Variants in GAS6 observed in about 807,000 individuals in gnomAD.
GAS6 encodes the protein growth arrest-specific protein 6.
In GAS6, 41 loss-of-function variants were observed where a neutral mutation model predicts 75.8. The observed-to-expected ratio is 0.54, with a 90% CI of 0.42 to 0.70. GAS6 has a LOEUF of 0.70. Among genes scored for constraint, GAS6 ranks in the 30% least tolerant of loss-of-function variants. The probability of loss-of-function intolerance (pLI) is 0.00; values close to 1 mark genes in which losing one functional copy is unlikely to be tolerated. For synonymous variants in GAS6, 432 were observed against 412.6 expected (o/e 1.05, Z -0.57); for missense variants, 854 against 940.2 (o/e 0.91, Z 1.20).
In GAS6 at chr13:113,837,789, G is replaced by A. The variant is rs183459422; in HGVS notation, c.589+280C>T. ...GCACTTCCAGGCTCTGTGAGGCTCT[G>A]GGGAATGGACGAGGCCCTACAGCCA... On this transcript the variant is annotated intron_variant, in intron 6 of 14. Coordinates refer to ENST00000327773, the MANE Select transcript of GAS6 (RefSeq NM_000820.4). The surrounding 1 kb of genome is among the most constrained non-coding windows in gnomAD (Gnocchi z 5.1). Among the ~76,000 whole-genome samples the A allele has an allele frequency of 2.9e-3, 436 of 152,278 alleles. 1 individual carries two copies. Among genetic ancestry groups the A allele is most frequent in the African/African-American group, 0.01 (424 of 41,564 alleles).
At chr13:113,824,872 G>A (rs1338078938) in intron 12 of GAS6, among the ~76,000 whole-genome samples, 5 of 152,304 alleles carry the variant, frequency 3.3e-5, no homozygotes, top group African/African-American at 1.2e-4. Context: ...AAAGTCTCCT[G>A]TTTGCCGGTC....
intron 5 of GAS6, 163 bp from the exon 6 acceptor site, chr13:113,838,354 C>A: frequency 2.5e-6 from 2 of 792,680 alleles, no homozygotes; most frequent in Non-Finnish European, 4.0e-6. Flanking sequence ...GGTGCACAGC[C>A]CAGCCCTGGA....
chr13:113,823,548 G>A lies in GAS6; in HGVS notation c.1480C>T (p.Arg494Trp), dbSNP rs776678863. The part of the protein sequence containing the change: ...GFAFYSLDYM[R>W]TPLDVGTEST... ...TCAGTCCCGACGTCCAGAGGGGTCC[G>A]CACTGCAATGAAAGCGGTGCATTAT... Residue 494 changes from arginine to tryptophan, a missense_variant and splice_region_variant, in exon 13 of 15, where the codon CGG becomes TGG. Physicochemically the swap from Arg to Trp is moderately radical, Grantham distance 101. Transcript: ENST00000327773. The A allele has an allele frequency of 1.5e-5, 24 of 1,608,940 alleles. No homozygotes were observed. Among genetic ancestry groups the A allele is most frequent in the South Asian group, 1.2e-4 (11 of 90,660 alleles).
chr13:113,863,620 G>A lies in GAS6; in HGVS notation c.210C>T (p.Cys70=), dbSNP rs1234496162. ...ACACCTCCCGCGCCTCCTCGCGGCT[G>A]CACAGCTCCTCCACGCACTCCCTCT... ...HLERECVEEL[C]SREEAREVFE... The change falls in exon 2 of 15, where the codon TGC becomes TGT. Residue 70 remains cysteine, a synonymous_variant. Transcript: ENST00000327773. This position sits in a 1 kb window ranked among gnomAD's most constrained non-coding sequence, Gnocchi z 9.4. 2.0e-6 allele frequency: 3 copies of A among 1,527,836 alleles called. No homozygotes were observed. Among genetic ancestry groups the A allele is most frequent in the South Asian group, 1.2e-5 (1 of 82,532 alleles). The allele number at this position is 1,527,836 out of a possible 1,614,324, so 94.6% of individuals were successfully genotyped here. A position where few individuals can be genotyped will look rare whatever the true frequency, so the allele number is the denominator to read the frequency against.
At chr13:113,849,866 T>C (rs183537932) in intron 2 of GAS6, among the ~76,000 whole-genome samples, 3 of 152,216 alleles carry the variant, frequency 2.0e-5, no homozygotes, top group African/African-American at 4.8e-5. Flanking sequence ...AGAAAGCATA[T>C]GCTAATTCCA....
chr13:113,839,320 AT>A, intron 5 of GAS6: 1 of 184,138 alleles, frequency 5.4e-6, no homozygotes, highest in Non-Finnish European at 1.1e-5. Flanking sequence ...CAGAGGTGAA[AT>A]CTCCCCCCGG....
Position 113,832,651 on chromosome 13 carries a change from C to G in GAS6, c.936G>C (p.Lys312Asn). Residue 312 changes from lysine (K) to asparagine (N), a missense_variant, in exon 9 of 15, where the codon AAG (lysine) becomes AAC (asparagine). Lys to Asn is a moderately conservative substitution (Grantham distance 94, BLOSUM62 0). Transcript: ENST00000327773. The part of the protein sequence containing the change: ...SGTPVIRLRF[K>N]RLQPTRLVAE... ...CTCCTCACCTGGTGGGCTGCAGCCT[C>G]TTGAAGCGCAGTCGGATCACGGGGG... is the stretch of plus-strand genomic sequence containing the variant. 1.2e-6 allele frequency: 2 copies of G among 1,612,778 alleles called. No individual in the cohort carries two copies. The highest frequency in any genetic ancestry group is 1.7e-6 in the Non-Finnish European group (2 of 1,179,968).
At chr13:113,842,951 C>T in intron 4 of GAS6, 1 of 396,648 alleles carries the variant, frequency 2.5e-6, no homozygotes, top group Non-Finnish European at 4.4e-6. Context: ...AGACTCATGC[C>T]ACCTGCCCCG....
At chr13:113,852,351 G>T (rs2051882568) in intron 2 of GAS6, among the ~76,000 whole-genome samples, 2 of 152,156 alleles carry the variant, frequency 1.3e-5, no homozygotes, top group South Asian at 4.1e-4. Context: ...GAAGGTCCCG[G>T]TGTGAACAGT....
rs2051824530 is a variant in GAS6 at position 113,845,197 on chromosome 13, T to C, written c.343+1330A>G. ...CCCATTCCCATGTTTACACTGAGCATTTCCTCTGCCTGTGTCTCTTGGGCT... is the reference window on the plus strand; with the variant it reads ...CCCATTCCCATGTTTACACTGAGCACTTCCTCTGCCTGTGTCTCTTGGGCT... On this transcript the variant is annotated intron_variant, in intron 4 of 14. Transcript: ENST00000327773. This position sits in a 1 kb window ranked among gnomAD's most constrained non-coding sequence, Gnocchi z 4.3. 6.6e-6 allele frequency: 1 copy of C among 150,500 alleles called. No individual in the cohort carries two copies. The allele number at this position is 150,500 out of a possible 1,614,324, so 9.3% of individuals were successfully genotyped here.
intron 4 of GAS6, among the ~76,000 whole-genome samples, chr13:113,846,154 C>T (rs1262596896): frequency 6.6e-6 from 1 of 152,174 alleles, no homozygotes; most frequent in African/African-American, 2.4e-5. Context: ...CGGGACAGAC[C>T]GTGTGTGCTA....
chr13:113,830,438 C>G (rs1393713242), intron 10 of GAS6, among the ~76,000 whole-genome samples: 1 of 132,892 alleles, frequency 7.5e-6, no homozygotes, highest in East Asian at 2.2e-4. Context: ...CAACACCGCT[C>G]CCCCAGGCGA....
At chr13:113,842,646 G>C (rs1209510840) in intron 4 of GAS6, 1 of 397,178 alleles carries the variant, frequency 2.5e-6, no homozygotes, top group African/African-American at 2.1e-5. Context: ...GGGCAGGAGG[G>C]AGTCAGACAC....
At chr13:113,857,874 A>G (rs992395457) in intron 2 of GAS6, among the ~76,000 whole-genome samples, 1 of 152,268 alleles carries the variant, frequency 6.6e-6, no homozygotes, top group Non-Finnish European at 1.5e-5. Context: ...CCTGGCACCA[A>G]GTGCCTGCAG....
At chr13:113,833,365 G>A (rs1002973437) in intron 8 of GAS6, 2 of 997,318 alleles carry the variant, frequency 2.0e-6, no homozygotes, top group Non-Finnish European at 2.4e-6. Context: ...AGCCCTGAAC[G>A]TCGCAGCCCA....
intron 2 of GAS6, among the ~76,000 whole-genome samples, chr13:113,858,254 CTGTG>C (rs937388519): frequency 9.9e-5 from 15 of 152,104 alleles, no homozygotes; most frequent in African/African-American, 3.1e-4. Flanking sequence ...CCATGTGTGC[CTGTG>C]TGTGTATATG....
At position 113,822,050 on chromosome 13, in the gene GAS6, C is replaced by A; in HGVS notation, c.1790G>T (p.Ser597Ile). 6.3e-7 allele frequency: 1 copy of A among 1,583,106 alleles called. No individual in the cohort carries two copies. The highest frequency in any genetic ancestry group is 8.6e-7 in the Non-Finnish European group (1 of 1,166,516). ...CTGCAGCTGCGCGGCGCTCACCTCG[C>A]TCTGGCCCCTGGTGCCGTCCACCTC... is the stretch of plus-strand genomic sequence containing the variant. Reference protein sequence around the residue: ...TLEVDGTRGQSEVSAAQLQER... With the variant: ...TLEVDGTRGQIEVSAAQLQER... Residue 597 changes from serine to isoleucine, a missense_variant, in exon 14 of 15, where the codon AGC becomes ATC. Physicochemically the swap from Ser to Ile is moderately radical, Grantham distance 142. Transcript: ENST00000327773.
rs77167214 is a variant in GAS6, at chr13:113,820,885, G to A, written c.2016C>T (p.Pro672=). 2.2e-5 allele frequency: 35 copies of A among 1,610,532 alleles called. No individual in the cohort carries two copies. Among genetic ancestry groups the A allele is most frequent in the Non-Finnish European group, 2.3e-5 (27 of 1,179,668 alleles). The stretch of plus-strand genomic sequence containing the variant: ...GGGCCTAGGCTGCGGCGGGCTCCAC[G>A]GGGGGGCAGGAGTGGGCCGTGATGT... ...HSDITAHSCP[P]VEPAAA Residue 672 remains proline, a synonymous_variant, in exon 15 of 15, where the codon CCC becomes CCT. Transcript: ENST00000327773.
Position 113,832,392 on chromosome 13 carries a change from C to T in GAS6, c.1050G>A (p.Leu350=). 15 of 1,612,058 alleles carry T rather than the reference C, an allele frequency of 9.3e-6. No individual in the cohort carries two copies. Among genetic ancestry groups the T allele is most frequent in the Non-Finnish European group, 1.3e-5 (15 of 1,179,924 alleles). The change falls in exon 10 of 15, where the codon CTG becomes CTA. Residue 350 remains leucine, a synonymous_variant. Coordinates refer to ENST00000327773, the MANE Select transcript of GAS6 (RefSeq NM_000820.4). Reference sequence around the variant, plus strand: ...GCTGCAGCTCCAGCCGGCCGGCTCTCAGGGCCAGCACGATCCAGGTGCTGT... The same window carrying T: ...GCTGCAGCTCCAGCCGGCCGGCTCTTAGGGCCAGCACGATCCAGGTGCTGT... ...HQDSTWIVLA[L]RAGRLELQLR... is the part of the protein sequence containing the mutation.
Sources: allele counts gnomAD v4.1 joint callset (sites outside exome capture counted in the v4.1 genomes callset), GRCh38; gene constraint gnomAD v4.1.1; non-coding constraint Gnocchi (gnomAD v3.1); transcripts MANE v1.5; gene names NCBI Gene and HGNC (gene_info 2026-07-23, HGNC 2026-07-21).